Variants in LINC00305 observed in about 807,000 individuals in gnomAD.
LINC00305 encodes the protein long independently transcribed non-coding RNA 305.
chr18:64,110,034 ATTCTTC>A lies in LINC00305; in HGVS notation n.315-11400_315-11395del, dbSNP rs201870002. 1.0e-2 allele frequency among the ~76,000 whole-genome samples: 1,517 copies of A among 152,212 alleles called. 26 individuals carry two copies. Among genetic ancestry groups the A allele is most frequent in the African/African-American group, 0.035 (1,457 of 41,516 alleles). On this transcript the variant is annotated intron_variant and non_coding_transcript_variant, in intron 1 of 3. Transcript: ENST00000666468. ...TGTGTTTTATGTGTGGCCCAAGACAATTCTTCTTCTTCCAATATGGCCCATGGAAGC... is the reference window on the plus strand; with the variant it reads ...TGTGTTTTATGTGTGGCCCAAGACAATTCTTCCAATATGGCCCATGGAAGC...
Position 64,105,691 on chromosome 18 carries a change from C to T in LINC00305, n.315-7051G>A, listed in dbSNP as rs183727695. On this transcript the variant is annotated intron_variant and non_coding_transcript_variant, in intron 1 of 3. Coordinates refer to ENST00000666468, the Ensembl canonical transcript of LINC00305. ...TGGCAATGGTGCACTTATCCCCCAA[C>T]ATTTGCATTAAAATGAAATTTTGAT... Among the ~76,000 whole-genome samples the T allele has an allele frequency of 2.4e-4, 36 of 152,198 alleles. No individual in the cohort carries two copies. In the East Asian group the frequency reaches 5.8e-3, roughly 25 times the overall value.
intron 3 of LINC00305, among the ~76,000 whole-genome samples, chr18:64,088,552 G>A (rs999896754): frequency 4.6e-5 from 7 of 152,198 alleles, no homozygotes; most frequent in African/African-American, 1.7e-4. Context: ...GGTAGAGCCA[G>A]GACTCATGTC....
chr18:64,096,500 AG>A (rs1381832995), intron 3 of LINC00305, among the ~76,000 whole-genome samples: 1 of 151,878 alleles, frequency 6.6e-6, no homozygotes, highest in Non-Finnish European at 1.5e-5. Flanking sequence ...GTACATATAC[AG>A]AAGTTTATAG....
chr18:64,121,842 C>T (rs1394679812), intron 1 of LINC00305, among the ~76,000 whole-genome samples: 1 of 152,066 alleles, frequency 6.6e-6, no homozygotes, highest in Non-Finnish European at 1.5e-5. Flanking sequence ...TCCACAAACT[C>T]ACCAATATTT....
chr18:64,109,350 T>C (rs1008589217), intron 1 of LINC00305, among the ~76,000 whole-genome samples: 5 of 152,144 alleles, frequency 3.3e-5, no homozygotes, highest in Non-Finnish European at 5.9e-5. Flanking sequence ...AGAAATTAAG[T>C]GGAAAAGACC....
At chr18:64,092,390 G>C (rs944313048) in intron 3 of LINC00305, among the ~76,000 whole-genome samples, 2 of 152,108 alleles carry the variant, frequency 1.3e-5, no homozygotes, top group Non-Finnish European at 2.9e-5. Flanking sequence ...GTGAAACCCC[G>C]TCTCTACTAA....
intron 1 of LINC00305, among the ~76,000 whole-genome samples, chr18:64,146,456 C>T (rs1413578929): frequency 6.6e-6 from 1 of 152,078 alleles, no homozygotes; most frequent in East Asian, 1.9e-4. Flanking sequence ...ACCAGCATTC[C>T]TTCTAGGTTG....
intron 1 of LINC00305, among the ~76,000 whole-genome samples, chr18:64,140,712 T>C (rs1280437175): frequency 1.3e-5 from 2 of 152,156 alleles, no homozygotes; most frequent in African/African-American, 4.8e-5. Flanking sequence ...TTATGCGATA[T>C]ATGGCAAGAG....
chr18:64,108,584 T>C (rs557533593), intron 1 of LINC00305, among the ~76,000 whole-genome samples: 1 of 152,206 alleles, frequency 6.6e-6, no homozygotes, highest in South Asian at 2.1e-4. Context: ...TAGAACCAGA[T>C]GAACAAATGT....
intron 3 of LINC00305, among the ~76,000 whole-genome samples, chr18:64,096,366 G>A (rs1005393178): frequency 8.6e-5 from 13 of 151,792 alleles, no homozygotes; most frequent in South Asian, 8.3e-4. Flanking sequence ...ATCAATGTCC[G>A]AAACAGCAAA....
chr18:64,099,642 C>T (rs534144054), intron 1 of LINC00305, among the ~76,000 whole-genome samples: 4 of 152,172 alleles, frequency 2.6e-5, no homozygotes, highest in Non-Finnish European at 4.4e-5. Flanking sequence ...GAGGATTTAA[C>T]GTGTAATGGT....
At position 64,105,649 on chromosome 18, in the gene LINC00305, A is replaced by G. The variant is rs545787170; in HGVS notation, n.315-7009T>C. ...TGATGCCTTACATTTACACTATGGT[A>G]ATGGTATGGGATAGGGTGGCAATGG... On this transcript the variant is annotated intron_variant and non_coding_transcript_variant, in intron 1 of 3. Transcript: ENST00000666468. Among the ~76,000 whole-genome samples, 14 of 152,280 alleles carry G rather than the reference A, an allele frequency of 9.2e-5. No individual in the cohort carries two copies. In the South Asian group the frequency reaches 2.9e-3, roughly 32 times the overall value.
At chr18:64,097,223 G>A (rs924988811) in intron 3 of LINC00305, among the ~76,000 whole-genome samples, 5 of 152,040 alleles carry the variant, frequency 3.3e-5, no homozygotes, top group Non-Finnish European at 7.4e-5. Flanking sequence ...CATGAAAGAT[G>A]TATTTTTAAA....
chr18:64,108,784 CTT>C (rs1012724441), intron 1 of LINC00305, among the ~76,000 whole-genome samples: 1 of 152,098 alleles, frequency 6.6e-6, no homozygotes, highest in Non-Finnish European at 1.5e-5. Context: ...CCAATACATA[CTT>C]TGATTATATA....
intron 1 of LINC00305, among the ~76,000 whole-genome samples, chr18:64,102,323 T>G (rs2051270454): frequency 6.6e-6 from 1 of 152,072 alleles, no homozygotes. Flanking sequence ...ATAATAGAAC[T>G]TAGCATTTTA....
At chr18:64,122,952 T>C (rs965704355) in intron 1 of LINC00305, among the ~76,000 whole-genome samples, 1 of 152,144 alleles carries the variant, frequency 6.6e-6, no homozygotes. Flanking sequence ...TTTTTGTAGC[T>C]ATTGTAAATG....
chr18:64,120,604 A>G (rs1266712753), intron 1 of LINC00305, among the ~76,000 whole-genome samples: 13 of 152,020 alleles, frequency 8.6e-5, no homozygotes, highest in Admixed American at 8.5e-4. Context: ...GCTCAAGGAG[A>G]GCCAGTTTAT....
chr18:64,130,369 GT>G (rs1161108749), intron 1 of LINC00305, among the ~76,000 whole-genome samples: 44 of 152,150 alleles, frequency 2.9e-4, no homozygotes, highest in Admixed American at 6.6e-4. Flanking sequence ...TACAATTTCT[GT>G]GTGTTTTAAA....
At chr18:64,113,461 G>A (rs1348698093) in intron 1 of LINC00305, among the ~76,000 whole-genome samples, 1 of 152,098 alleles carries the variant, frequency 6.6e-6, no homozygotes, top group Non-Finnish European at 1.5e-5. Context: ...CAAAATTTCT[G>A]CCCTCCAAGT....
Sources: allele counts gnomAD v4.1 joint callset (sites outside exome capture counted in the v4.1 genomes callset), GRCh38; gene constraint gnomAD v4.1.1; transcripts MANE v1.5; gene names NCBI Gene and HGNC (gene_info 2026-07-23, HGNC 2026-07-21).